The following AFDN variants were observed in gnomAD, a reference collection of about 807,000 sequenced individuals.
AFDN encodes the protein afadin.
A neutral mutation model predicts 216.6 loss-of-function variants in AFDN; 68 were observed. That is an observed-to-expected ratio of 0.31 (90% CI 0.26 to 0.38). The LOEUF (loss-of-function observed/expected upper bound fraction) is 0.38. Among genes scored for constraint, AFDN ranks in the 10% least tolerant of loss-of-function variants. The probability of loss-of-function intolerance (pLI) is 1.00; values close to 1 mark genes in which losing one functional copy is unlikely to be tolerated. For synonymous variants in AFDN, 868 were observed against 853.7 expected, an observed-to-expected ratio of 1.02 and a Z score of -0.29; for missense variants, 2,136 against 2,342.0, an observed-to-expected ratio of 0.91 and a Z score of 1.82.
chr6:167,963,675 T>C, intron 31 of AFDN: 1 of 1,060,782 alleles, frequency 9.4e-7, no homozygotes, highest in Non-Finnish European at 1.1e-6. Flanking sequence ...CCTCTAAGTT[T>C]ATCATCATAT....
Position 167,971,416 on chromosome 6 carries a change from T to C in AFDN, c.*1481T>C, listed in dbSNP as rs1798014769. 5.0e-6 allele frequency: 1 copy of C among 201,754 alleles called. No homozygotes were observed. 12.5% of individuals were successfully genotyped at this position (201,754 alleles called of 1,614,324 possible). A position where few individuals can be genotyped will look rare whatever the true frequency, so the allele number is the denominator to read the frequency against. ...AAGTTGTATGATAAATCATTAAAAA[T>C]GCGAGTGTAAATATTTTTTTTTACC... On this transcript the variant is annotated 3_prime_UTR_variant, in exon 34 of 34. Transcript: ENST00000683244.
intron 23 of AFDN, among the ~76,000 whole-genome samples, chr6:167,933,949 T>G (rs148255684): frequency 6.6e-6 from 1 of 152,300 alleles, no homozygotes; most frequent in Non-Finnish European, 1.5e-5. Flanking sequence ...TCTTAAGTGA[T>G]CCAGACCCAT....
At position 167,962,124 on chromosome 6, in the gene AFDN, G is replaced by C. The variant is rs939623822; in HGVS notation, c.4834-309G>C. ...TTACATGAACGGGTTAACTAAATTT[G>C]TTCCAGTAAAAGAATTGTGCTTGTT... On this transcript the variant is annotated intron_variant, in intron 30 of 33. Coordinates refer to ENST00000683244, the MANE Select transcript of AFDN (RefSeq NM_001386888.1). The surrounding 1 kb of genome is among the most constrained non-coding windows in gnomAD (Gnocchi z 5.2). Among the ~76,000 whole-genome samples, 1 of 152,186 alleles carries C rather than the reference G, an allele frequency of 6.6e-6. No homozygotes were observed. The highest frequency in any genetic ancestry group is 2.4e-5 in the African/African-American group (1 of 41,440).
In AFDN at chr6:167,853,767, A is replaced by G. The variant is rs1251083346; in HGVS notation, c.106-10784A>G. The stretch of plus-strand genomic sequence containing the variant: ...GTTGTGCGTTGTGCTTTTTTCACTT[A>G]ACTGTGTATCTTATGCATCATGCCA... On this transcript the variant is annotated intron_variant, in intron 1 of 33. Transcript: ENST00000683244. Among the ~76,000 whole-genome samples the G allele has an allele frequency of 2.6e-5, 4 of 151,996 alleles. No individual in the cohort carries two copies. In the East Asian group the frequency reaches 7.7e-4, roughly 29 times the overall value.
At chr6:167,868,924 G>A (rs1297903456) in intron 2 of AFDN, among the ~76,000 whole-genome samples, 1 of 151,472 alleles carries the variant, frequency 6.6e-6, no homozygotes, top group East Asian at 1.9e-4. Flanking sequence ...CACCACACCC[G>A]GCTAATTTCT....
At chr6:167,969,701 G>A (rs1797888885) in intron 33 of AFDN, 81 bp from the exon 34 acceptor site, 29 of 1,325,282 alleles carry the variant, frequency 2.2e-5, no homozygotes, top group Non-Finnish European at 2.8e-5. Flanking sequence ...AATTTTAATC[G>A]CCCATTTTGC....
At position 167,905,045 on chromosome 6, in the gene AFDN, G is replaced by C. The variant is rs547810287; in HGVS notation, c.1651-2126G>C. ...CGTGCCTGCCTCTTTCCTCCCATTG[G>C]AAGGCCTTTCTTGTGCTAGTGTTTG... is the stretch of plus-strand genomic sequence containing the variant. On this transcript the variant is annotated intron_variant, in intron 12 of 33. Transcript: ENST00000683244. Among the ~76,000 whole-genome samples, 3 of 152,174 alleles carry C rather than the reference G, an allele frequency of 2.0e-5. No individual in the cohort carries two copies. The South Asian group carries it at 6.2e-4, about 32-fold the overall frequency.
At position 167,951,663 on chromosome 6, in the gene AFDN, C is replaced by T. The variant is rs974261368; in HGVS notation, c.4309C>T (p.Arg1437Trp). The change falls in exon 30 of 34, where the codon CGG becomes TGG. Residue 1437 changes from arginine to tryptophan, a missense_variant. Physicochemically the swap from Arg to Trp is moderately radical, Grantham distance 101. Transcript: ENST00000683244. The surrounding 1 kb of genome is among the most constrained non-coding windows in gnomAD (Gnocchi z 7.1). ...EKEKARLEEE[R>W]ERKRREQERK... ...GGAGAAGGCCCGCCTGGAGGAGGAG[C>T]GGGAGAGGAAGCGGAGAGAGCAGGA... The T allele has an allele frequency of 1.7e-5, 28 of 1,613,650 alleles. No individual in the cohort carries two copies. Among genetic ancestry groups the T allele is most frequent in the Non-Finnish European group, 2.1e-5 (25 of 1,179,882 alleles).
chr6:167,913,468 A>C, intron 16 of AFDN, 45 bp downstream of exon 16: 1 of 1,523,040 alleles, frequency 6.6e-7, no homozygotes, highest in Non-Finnish European at 8.8e-7. Flanking sequence ...TTGCTTAGCC[A>C]AGTTTCTCAT....
chr6:167,910,203 A>G (rs1790213187), intron 13 of AFDN, among the ~76,000 whole-genome samples: 1 of 152,268 alleles, frequency 6.6e-6, no homozygotes, highest in Non-Finnish European at 1.5e-5. Flanking sequence ...AACTGTGGTT[A>G]TAACACAAGA....
chr6:167,966,415 A>C (rs948617432), intron 32 of AFDN: 2 of 628,426 alleles, frequency 3.2e-6, no homozygotes, highest in African/African-American at 1.9e-5. Context: ...TGGTCTCGGC[A>C]TGGTGATCCT....
At chr6:167,915,147 C>T (rs553470473) in intron 18 of AFDN, 21 bp from the exon 19 acceptor site, 1 of 1,612,156 alleles carries the variant, frequency 6.2e-7, no homozygotes, top group African/African-American at 1.3e-5. Flanking sequence ...CTCCTCTTGT[C>T]CTCTCACCCT....
rs761227616 is a variant in AFDN at position 167,893,919 on chromosome 6, T to G, written c.1222+13T>G. The G allele has an allele frequency of 4.6e-5, 72 of 1,559,366 alleles. No homozygotes were observed. The highest frequency in any genetic ancestry group is 5.9e-5 in the Non-Finnish European group (68 of 1,143,582). On this transcript the variant is annotated intron_variant, in intron 9 of 33. Coordinates refer to ENST00000683244, the MANE Select transcript of AFDN (RefSeq NM_001386888.1). ...CACACTTACGAAGGTAATGCTATGC[T>G]TACTACTACTTTTATAACTAAAGCA...
intron 1 of AFDN, among the ~76,000 whole-genome samples, chr6:167,838,789 A>G (rs1265235031): frequency 1.3e-5 from 2 of 152,172 alleles, no homozygotes; most frequent in Non-Finnish European, 2.9e-5. Context: ...GTTTCTAGGT[A>G]GGAAGTTAGG....
At chr6:167,947,822 C>G (rs73034996) in intron 27 of AFDN, 31 bp from the exon 28 acceptor site, 1 of 1,396,472 alleles carries the variant, frequency 7.2e-7, no homozygotes, top group Non-Finnish European at 9.8e-7. Context: ...TTTAATATTA[C>G]ACTTTTTTTT....
intron 23 of AFDN, among the ~76,000 whole-genome samples, chr6:167,935,581 A>G (rs552206215): frequency 6.6e-6 from 1 of 152,344 alleles, no homozygotes; most frequent in Non-Finnish European, 1.5e-5. Flanking sequence ...ACTTTTCTTT[A>G]AAGAAACTGG....
chr6:167,842,242 T>C (rs923689705), intron 1 of AFDN, among the ~76,000 whole-genome samples: 81 of 152,266 alleles, frequency 5.3e-4, no homozygotes, highest in African/African-American at 1.9e-3. Context: ...AAGGCTTTAT[T>C]TACCACCCTT....
chr6:167,938,080 A>G (rs1794227626), intron 23 of AFDN, among the ~76,000 whole-genome samples: 1 of 152,172 alleles, frequency 6.6e-6, no homozygotes, highest in African/African-American at 2.4e-5. Context: ...CTCAAAGAGA[A>G]CAAAGAGAAT....
At chr6:167,839,669 C>G (rs1780834416) in intron 1 of AFDN, among the ~76,000 whole-genome samples, 1 of 152,172 alleles carries the variant, frequency 6.6e-6, no homozygotes, top group Non-Finnish European at 1.5e-5. Flanking sequence ...CTTTCTGTCT[C>G]CATTTCCACG....
Sources: gnomAD v4.1 joint callset for allele counts (sites outside exome capture counted in the v4.1 genomes callset) on GRCh38, gnomAD v4.1.1 for gene constraint, Gnocchi (gnomAD v3.1) non-coding constraint, MANE v1.5 for transcripts, NCBI Gene and HGNC (gene_info 2026-07-23, HGNC 2026-07-21) for gene names.